Variants in MROH1 observed in about 807,000 individuals in gnomAD.
MROH1 encodes the protein maestro heat-like repeat-containing protein family member 1.
MROH1 carries 117 observed loss-of-function variants against 116.5 expected under a neutral mutation model. The observed-to-expected ratio is 1.00, with a 90% CI of 0.86 to 1.17. The LOEUF is 1.17. Among genes scored for constraint, MROH1 ranks in the 50% most tolerant of loss-of-function variants. The pLI is 0.00. For missense variants in MROH1, 1,873 were observed against 1,338.5 expected (o/e 1.40, Z -6.23); for synonymous variants, 921 against 583.9 (o/e 1.58, Z -8.32).
chr8:144,256,139 C>T (rs909024101), intron 35 of MROH1, among the ~76,000 whole-genome samples: 108 of 152,232 alleles, frequency 7.1e-4, no homozygotes, highest in South Asian at 2.1e-3. Flanking sequence ...CAGCCCCACA[C>T]GTAAGAGCTG....
chr8:144,204,443 A>G (rs1832392606), intron 12 of MROH1, among the ~76,000 whole-genome samples: 1 of 152,198 alleles, frequency 6.6e-6, no homozygotes, highest in African/African-American at 2.4e-5. Flanking sequence ...TTTTATTTGA[A>G]GTATAATACA....
At chr8:144,221,641 C>T (rs901281571) in intron 13 of MROH1, among the ~76,000 whole-genome samples, 5 of 152,096 alleles carry the variant, frequency 3.3e-5, no homozygotes, top group Admixed American at 3.3e-4. Context: ...CTTACGTGTT[C>T]CACACACTCC....
At chr8:144,236,862 T>C (rs1564538000) in intron 14 of MROH1, among the ~76,000 whole-genome samples, 1 of 151,856 alleles carries the variant, frequency 6.6e-6, no homozygotes, top group Non-Finnish European at 1.5e-5. Context: ...TACTTAGTTC[T>C]TTGGCCTCTG....
intron 30 of MROH1, 39 bp from the exon 31 acceptor site, chr8:144,247,528 A>G (rs1243379027): frequency 6.6e-6 from 5 of 762,190 alleles, no homozygotes; most frequent in Admixed American, 1.8e-5. Flanking sequence ...ATCGCCAGGG[A>G]GGGCCTGGGC....
rs193135360 is a variant in MROH1 at position 144,207,820 on chromosome 8, A to G, written c.1141+7279A>G. ...TTGCCTGCTCAGAAGTCATGAAGAT[A>G]TTCTTCTATATTTTCTTTTAGATGC... is the stretch of plus-strand genomic sequence containing the variant. On this transcript the variant is annotated intron_variant, in intron 12 of 43. Transcript: ENST00000326134. Among the ~76,000 whole-genome samples, 14 of 152,196 alleles carry G rather than the reference A, an allele frequency of 9.2e-5. No homozygotes were observed. In the East Asian group the frequency reaches 2.1e-3, roughly 23 times the overall value.
intron 18 of MROH1, 59 bp from the exon 19 acceptor site, chr8:144,240,042 G>C: frequency 1.3e-6 from 1 of 746,472 alleles, no homozygotes; most frequent in Non-Finnish European, 2.5e-6. Context: ...GCAGGTGCTG[G>C]GCTCTGAGCC....
chr8:144,256,621 G>A (rs899097679), intron 35 of MROH1, among the ~76,000 whole-genome samples: 102 of 152,214 alleles, frequency 6.7e-4, no homozygotes, highest in African/African-American at 1.5e-3. Flanking sequence ...CAGTGCCTCC[G>A]CCCCGAGCTG....
intron 17 of MROH1, 102 bp downstream of exon 17, chr8:144,239,465 A>G: frequency 2.6e-6 from 2 of 773,526 alleles, no homozygotes; most frequent in South Asian, 2.7e-5. Context: ...AGCCGCGGTC[A>G]GGGCTCAGGT....
chr8:144,202,034 AAG>A (rs1831278528), intron 12 of MROH1, among the ~76,000 whole-genome samples: 3 of 151,316 alleles, frequency 2.0e-5, no homozygotes, highest in Non-Finnish European at 3.0e-5. Flanking sequence ...AAAAAAAAAA[AAG>A]AGAAAGCAGC....
chr8:144,206,113 G>T (rs532692743), intron 12 of MROH1, among the ~76,000 whole-genome samples: 1 of 152,206 alleles, frequency 6.6e-6, no homozygotes, highest in Non-Finnish European at 1.5e-5. Flanking sequence ...GCGGTGGCAC[G>T]ATCACAGCTC....
intron 1 of MROH1, among the ~76,000 whole-genome samples, chr8:144,155,422 T>C (rs1226013113): frequency 6.6e-6 from 1 of 152,236 alleles, no homozygotes; most frequent in Non-Finnish European, 1.5e-5. Flanking sequence ...ATATATTTTA[T>C]GCATTCATGA....
intron 14 of MROH1, among the ~76,000 whole-genome samples, chr8:144,232,225 T>TAACC (rs1554823097): frequency 6.6e-6 from 1 of 152,146 alleles, no homozygotes; most frequent in East Asian, 1.9e-4. Context: ...CGGCCTCTGG[T>TAACC]AACCACCAGC....
At chr8:144,175,172 C>T in intron 4 of MROH1, 4 of 984,472 alleles carry the variant, frequency 4.1e-6, no homozygotes, top group Non-Finnish European at 4.8e-6. Context: ...CTGAGCTTCT[C>T]CTCCCAGCAG....
At chr8:144,149,647 GT>G (rs1816256368) in intron 1 of MROH1, among the ~76,000 whole-genome samples, 1 of 152,158 alleles carries the variant, frequency 6.6e-6, no homozygotes, top group Admixed American at 6.5e-5. Flanking sequence ...TCCTCTGTCT[GT>G]GCCGGTCCAC....
At chr8:144,190,999 G>C (rs913473323) in intron 8 of MROH1, 64 bp downstream of exon 8, 31 of 1,528,502 alleles carry the variant, frequency 2.0e-5, no homozygotes, top group Non-Finnish European at 2.7e-5. Flanking sequence ...CACATTCCCT[G>C]CCCGTGGCAA....
chr8:144,199,006 A>G (rs1830513953), intron 10 of MROH1, 116 bp from the exon 11 acceptor site: 2 of 900,856 alleles, frequency 2.2e-6, no homozygotes, highest in African/African-American at 1.7e-5. Context: ...TGCTGTAGGC[A>G]TGGGGTGGAA....
chr8:144,190,685 G>A, intron 7 of MROH1, 99 bp from the exon 8 acceptor site: 1 of 1,452,960 alleles, frequency 6.9e-7, no homozygotes, highest in Non-Finnish European at 9.4e-7. Flanking sequence ...GCATCTTGCA[G>A]GCCGTGGGAT....
chr8:144,260,496 G>A (rs1441640863), intron 39 of MROH1, 122 bp downstream of exon 39: 1 of 701,458 alleles, frequency 1.4e-6, no homozygotes, highest in Non-Finnish European at 2.6e-6. Context: ...ACCGTGGAGA[G>A]CGCGGACCTG....
intron 11 of MROH1, among the ~76,000 whole-genome samples, chr8:144,199,790 C>A (rs1830699226): frequency 6.6e-6 from 1 of 152,308 alleles, no homozygotes; most frequent in East Asian, 1.9e-4. Flanking sequence ...GGCCTCAGGC[C>A]CCCCACCTAC....
Sources: allele counts gnomAD v4.1 joint callset (sites outside exome capture counted in the v4.1 genomes callset), GRCh38; gene constraint gnomAD v4.1.1; transcripts MANE v1.5; gene names NCBI Gene and HGNC (gene_info 2026-07-23, HGNC 2026-07-21).